The following CDKAL1 variants were observed in gnomAD, a reference collection of about 807,000 sequenced individuals.
CDKAL1 encodes the protein CDKAL1 threonylcarbamoyladenosine tRNA methylthiotransferase.
CDKAL1 carries 32 observed loss-of-function variants against 68.2 expected under a neutral mutation model. The observed-to-expected ratio is 0.47, with a 90% confidence interval of 0.35 to 0.63. The LOEUF (loss-of-function observed/expected upper bound fraction) is 0.63. Ranked by LOEUF, CDKAL1 falls within the 30% of genes least tolerant of loss-of-function variation. CDKAL1 has a pLI of 0.00. For synonymous variants in CDKAL1, 234 were observed against 244.3 expected, an observed-to-expected ratio of 0.96 and a Z score of 0.39; for missense variants, 606 against 696.7, an observed-to-expected ratio of 0.87 and a Z score of 1.47.
At chr6:20,962,961 T>G (rs1463438460) in intron 10 of CDKAL1, among the ~76,000 whole-genome samples, 1 of 152,146 alleles carries the variant, frequency 6.6e-6, no homozygotes, top group Non-Finnish European at 1.5e-5. Flanking sequence ...TTTTAAGAGG[T>G]CAGTGAAACA....
At chr6:20,840,611 T>G (rs1778136865) in intron 8 of CDKAL1, among the ~76,000 whole-genome samples, 1 of 152,106 alleles carries the variant, frequency 6.6e-6, no homozygotes, top group Non-Finnish European at 1.5e-5. Flanking sequence ...ACAGGAAGCT[T>G]AAAGAAGGTA....
intron 9 of CDKAL1, among the ~76,000 whole-genome samples, chr6:20,937,287 A>G (rs1048961097): frequency 1.3e-5 from 2 of 152,258 alleles, no homozygotes; most frequent in South Asian, 2.1e-4. Flanking sequence ...GGGTTTCGCC[A>G]TGTTGCCCAG....
Position 20,878,697 on chromosome 6 carries a change from C to G in CDKAL1, c.742+32519C>G, listed in dbSNP as rs549065345. ...GTTGCAGTGAGCTGAGATCATGCCA[C>G]TGCACTCCAGCCTGGGTGACAGAGC... On this transcript the variant is annotated intron_variant, in intron 9 of 15. Transcript: ENST00000274695. Among the ~76,000 whole-genome samples, 15 of 151,984 alleles carry G rather than the reference C, an allele frequency of 9.9e-5. No homozygotes were observed. In the East Asian group the frequency reaches 2.1e-3, roughly 22 times the overall value.
intron 8 of CDKAL1, among the ~76,000 whole-genome samples, chr6:20,829,054 TA>T (rs1215643697): frequency 6.6e-6 from 1 of 152,222 alleles, no homozygotes; most frequent in Non-Finnish European, 1.5e-5. Flanking sequence ...ATTGTACATA[TA>T]TAGTAGTTTG....
intron 7 of CDKAL1, chr6:20,772,849 C>G (rs1391673907): frequency 2.0e-5 from 3 of 152,156 alleles, no homozygotes; most frequent in African/African-American, 7.2e-5. Context: ...CGCCTCCTCC[C>G]CAGTCCACCA....
chr6:20,643,301 AG>A lies in CDKAL1; in HGVS notation c.287-5991del, dbSNP rs199873906. ...GACCTGGCATGAATGTTCTAAGGCAAGATCAGAAGGTGTTAACCTCTTAGCA... is the reference window on the plus strand; with the variant it reads ...GACCTGGCATGAATGTTCTAAGGCAAATCAGAAGGTGTTAACCTCTTAGCA... On this transcript the variant is annotated intron_variant, in intron 4 of 15. Coordinates refer to ENST00000274695, the MANE Select transcript of CDKAL1 (RefSeq NM_017774.3). Among the ~76,000 whole-genome samples, 394 of 152,322 alleles carry A rather than the reference AG, an allele frequency of 2.6e-3. 18 individuals carry two copies. The East Asian group carries it at 0.061, about 23-fold the overall frequency.
At chr6:21,212,955 A>T (rs1779212180) in intron 15 of CDKAL1, among the ~76,000 whole-genome samples, 1 of 152,142 alleles carries the variant, frequency 6.6e-6, no homozygotes, top group South Asian at 2.1e-4. Context: ...AAATTTGCCA[A>T]CCCCTGAGAA....
chr6:21,197,404 G>T (rs1562109272), intron 13 of CDKAL1, among the ~76,000 whole-genome samples: 1 of 152,080 alleles, frequency 6.6e-6, no homozygotes, highest in Non-Finnish European at 1.5e-5. Context: ...TGAACATGGG[G>T]TCATGACTGC....
At chr6:21,131,493 G>A (rs181580931) in intron 13 of CDKAL1, among the ~76,000 whole-genome samples, 1 of 152,182 alleles carries the variant, frequency 6.6e-6, no homozygotes, top group African/African-American at 2.4e-5. Flanking sequence ...TTTATATCAT[G>A]TGGTGTGGTC....
intron 11 of CDKAL1, among the ~76,000 whole-genome samples, chr6:21,023,073 GT>G (rs946212870): frequency 6.6e-6 from 1 of 151,752 alleles, no homozygotes; most frequent in African/African-American, 2.4e-5. Flanking sequence ...AACATTAGCA[GT>G]TTGCTTAATG....
In CDKAL1 at chr6:20,748,997, G is replaced by A. The variant is rs577277522; in HGVS notation, c.468+9382G>A. On this transcript the variant is annotated intron_variant, in intron 6 of 15. Coordinates refer to ENST00000274695, the MANE Select transcript of CDKAL1 (RefSeq NM_017774.3). ...TATGTGTATATATATGTATGTGTGT[G>A]TATATATATATATAAAATGTATTCA... Among the ~76,000 whole-genome samples the A allele has an allele frequency of 7.8e-3, 1,175 of 150,548 alleles. 11 individuals carry two copies. Among genetic ancestry groups the A allele is most frequent in the African/African-American group, 0.027 (1,100 of 40,974 alleles).
intron 13 of CDKAL1, among the ~76,000 whole-genome samples, chr6:21,194,431 A>G (rs943332065): frequency 1.3e-5 from 2 of 152,124 alleles, no homozygotes; most frequent in Non-Finnish European, 2.9e-5. Context: ...TTTAAGACAA[A>G]TTCTGATCCC....
intron 11 of CDKAL1, among the ~76,000 whole-genome samples, chr6:21,032,069 A>G (rs2150879602): frequency 6.6e-6 from 1 of 152,028 alleles, no homozygotes; most frequent in Middle Eastern, 3.4e-3. Flanking sequence ...CACCATCTTA[A>G]TGCTATCTAT....
In CDKAL1 at chr6:21,092,931, CA is replaced by C. The variant is rs1326684015; in HGVS notation, c.1237-15459del. On this transcript the variant is annotated intron_variant, in intron 12 of 15. Transcript: ENST00000274695. ...AGAGAAAATCTCTAGAAAGTAGAACCAAAAAAAAAAATAAGATGAAAAATAG... is the reference window on the plus strand; with the variant it reads ...AGAGAAAATCTCTAGAAAGTAGAACCAAAAAAAAAATAAGATGAAAAATAG... Among the ~76,000 whole-genome samples, 1,187 of 122,440 alleles carry C rather than the reference CA, an allele frequency of 9.7e-3. 13 individuals are homozygous for C. The highest frequency in any genetic ancestry group is 0.031 in the African/African-American group (1,060 of 34,454). The allele number at this position is 122,440 out of a possible 152,430, so 80.3% of individuals were successfully genotyped here. A position where few individuals can be genotyped will look rare whatever the true frequency, so the allele number is the denominator to read the frequency against.
chr6:20,640,021 C>T (rs893743013), intron 4 of CDKAL1, among the ~76,000 whole-genome samples: 8 of 152,196 alleles, frequency 5.3e-5, no homozygotes, highest in African/African-American at 1.4e-4. Flanking sequence ...AGGGTGCTTT[C>T]GAATTCTCTT....
chr6:20,950,818 A>G (rs78233128), intron 9 of CDKAL1, among the ~76,000 whole-genome samples: 13,817 of 152,040 alleles, frequency 0.091, 1,068 homozygotes, highest in African/African-American at 0.21. Flanking sequence ...TACAAAACTT[A>G]GCTGGGTATG....
chr6:21,064,433 T>C (rs1771311774), intron 11 of CDKAL1, among the ~76,000 whole-genome samples: 2 of 152,180 alleles, frequency 1.3e-5, no homozygotes, highest in African/African-American at 2.4e-5. Flanking sequence ...CATTATACAA[T>C]ATGTCAAAGG....
intron 12 of CDKAL1, among the ~76,000 whole-genome samples, chr6:21,095,068 T>C (rs1189205750): frequency 6.6e-6 from 1 of 152,176 alleles, no homozygotes; most frequent in East Asian, 1.9e-4. Context: ...AATAAGTGGA[T>C]GGTTAGGACC....
In CDKAL1 at chr6:20,848,445, C is replaced by A. The variant is rs545358609; in HGVS notation, c.742+2267C>A. Among the ~76,000 whole-genome samples the A allele has an allele frequency of 4.4e-4, 67 of 152,222 alleles. 1 individual carries two copies. The South Asian group carries it at 0.014, about 31-fold the overall frequency. On this transcript the variant is annotated intron_variant, in intron 9 of 15. Coordinates refer to ENST00000274695, the MANE Select transcript of CDKAL1 (RefSeq NM_017774.3). The stretch of plus-strand genomic sequence containing the variant: ...GCTCTGTGATTTATCTTTAGAAATG[C>A]CCTCTGAGTAACCAATTTACAGCGT...
Sources: gnomAD v4.1 joint callset for allele counts (sites outside exome capture counted in the v4.1 genomes callset) on GRCh38, gnomAD v4.1.1 for gene constraint, MANE v1.5 for transcripts, NCBI Gene and HGNC (gene_info 2026-07-23, HGNC 2026-07-21) for gene names.